The following RELL1 variants were observed in gnomAD, a reference collection of about 807,000 sequenced individuals.
The protein encoded by RELL1 is RELT like 1.
In RELL1, 10 loss-of-function variants were observed where a neutral mutation model predicts 23.0. That is an observed-to-expected ratio of 0.43 (90% CI 0.27 to 0.74). The LOEUF is 0.74. Among genes scored for constraint, RELL1 ranks in the 30% least tolerant of loss-of-function variants. The probability of loss-of-function intolerance (pLI) is 0.19; values close to 1 mark genes in which losing one functional copy is unlikely to be tolerated. For missense variants in RELL1, 315 were observed against 364.4 expected, an observed-to-expected ratio of 0.86 and a Z score of 1.10; for synonymous variants, 146 against 146.8, an observed-to-expected ratio of 0.99 and a Z score of 0.04.
intron 1 of RELL1, among the ~76,000 whole-genome samples, chr4:37,667,714 GTTCT>G (rs2109304220): frequency 6.7e-6 from 1 of 150,344 alleles, no homozygotes; most frequent in African/African-American, 2.5e-5. Flanking sequence ...TAAAAGTTAC[GTTCT>G]TTCCAAGTCA....
chr4:37,605,848 A>AAAGAAAGAAAG (rs1435263321), downstream of RELL1, among the ~76,000 whole-genome samples: 201 of 107,236 alleles, frequency 1.9e-3, 5 homozygotes, highest in Non-Finnish European at 2.8e-3. Context: ...AGAAAGAAGG[A>AAAGAAAGAAAG]AAAGAAAAGA....
At chr4:37,669,092 T>G (rs865942494) in intron 1 of RELL1, among the ~76,000 whole-genome samples, 1 of 89,654 alleles carries the variant, frequency 1.1e-5, no homozygotes. Context: ...CCGCCCCGTC[T>G]GGGAGGTGAG....
At chr4:37,681,171 G>T (rs1247470811) in intron 1 of RELL1, among the ~76,000 whole-genome samples, 3 of 152,124 alleles carry the variant, frequency 2.0e-5, no homozygotes, top group Non-Finnish European at 4.4e-5. Flanking sequence ...CTAATCTGAG[G>T]TGTCACTCTG....
intron 6 of RELL1, among the ~76,000 whole-genome samples, chr4:37,621,825 G>A (rs539797325): frequency 2.0e-5 from 3 of 152,296 alleles, no homozygotes; most frequent in Non-Finnish European, 4.4e-5. Flanking sequence ...GCAACTCAAA[G>A]CAAAACAAAT....
chr4:37,615,069 G>A (rs1719532012), intron 6 of RELL1, among the ~76,000 whole-genome samples: 1 of 152,128 alleles, frequency 6.6e-6, no homozygotes, highest in Non-Finnish European at 1.5e-5. Context: ...AGGGTTACTG[G>A]GGATTTGACA....
chr4:37,627,702 TA>T (rs1482852487), intron 6 of RELL1, among the ~76,000 whole-genome samples: 2 of 152,016 alleles, frequency 1.3e-5, no homozygotes, highest in Non-Finnish European at 2.9e-5. Flanking sequence ...ACAAAAGAAA[TA>T]AAAAAAGAAA....
intron 1 of RELL1, among the ~76,000 whole-genome samples, chr4:37,660,122 GTATCTGAGAAGGGTC>G (rs1273123625): frequency 6.6e-6 from 1 of 151,904 alleles, no homozygotes; most frequent in Non-Finnish European, 1.5e-5. Context: ...TCAAATCACA[GTATCTGAGAAGGGTC>G]TATTTTTTGG....
At chr4:37,627,621 G>A (rs1044075252) in intron 6 of RELL1, among the ~76,000 whole-genome samples, 1 of 152,052 alleles carries the variant, frequency 6.6e-6, no homozygotes, top group African/African-American at 2.4e-5. Context: ...GGGAGAGAGA[G>A]AAATCCTGCC....
At position 37,612,812 on chromosome 4, in the gene RELL1, A is replaced by T. The variant is rs1719451268; in HGVS notation, c.*534T>A. The T allele has an allele frequency of 6.6e-6, 1 of 152,074 alleles. No homozygotes were observed. The highest frequency in any genetic ancestry group is 6.6e-5 in the Admixed American group (1 of 15,242). The allele number at this position is 152,074 out of a possible 1,614,324, so 9.4% of individuals were successfully genotyped here. ...CCTCAGGGCTAACTAGATTATTTCC[A>T]CTGAGCTTTTACCACTGAAGATTCA... On this transcript the variant is annotated 3_prime_UTR_variant, in exon 7 of 7. Coordinates refer to ENST00000454158, the MANE Select transcript of RELL1 (RefSeq NM_001085400.2).
At chr4:37,591,092 C>A in exon 7 of RELL1, 2 of 1,071,262 alleles carry the variant, frequency 1.9e-6, no homozygotes, top group Non-Finnish European at 2.7e-6. Flanking sequence ...ATTCTGCCAG[C>A]ATGCACCAGT....
At chr4:37,606,687 T>C (rs1160640479), downstream of RELL1, among the ~76,000 whole-genome samples, 1 of 152,212 alleles carries the variant, frequency 6.6e-6, no homozygotes, top group Non-Finnish European at 1.5e-5. This position sits in a 1 kb window ranked among gnomAD's most constrained non-coding sequence, Gnocchi z 4.1. Flanking sequence ...GCAGACACCT[T>C]GACTTCAGGG....
chr4:37,591,707 A>G (rs1361908719), intron 6 of RELL1: 1 of 152,230 alleles, frequency 6.6e-6, no homozygotes, highest in Non-Finnish European at 1.5e-5. Context: ...GGCCAAAATA[A>G]GTCTTAAAAC....
At chr4:37,638,621 C>T in intron 3 of RELL1, 117 bp from the exon 4 acceptor site, 1 of 767,556 alleles carries the variant, frequency 1.3e-6, no homozygotes. Flanking sequence ...AGATGAAGTC[C>T]TGGGGGCCTA....
At chr4:37,679,698 T>C (rs986418584) in intron 1 of RELL1, among the ~76,000 whole-genome samples, 9 of 152,174 alleles carry the variant, frequency 5.9e-5, no homozygotes, top group Non-Finnish European at 8.8e-5. Context: ...TGCATCCCTA[T>C]AATCCCAGCA....
At chr4:37,631,281 T>A (rs1206685952) in intron 6 of RELL1, 104 bp downstream of exon 6, 6 of 1,288,496 alleles carry the variant, frequency 4.7e-6, no homozygotes, top group Non-Finnish European at 6.4e-6. Flanking sequence ...CCCACTTCCC[T>A]GTCAAATACC....
chr4:37,679,173 G>A (rs1425404222), intron 1 of RELL1, among the ~76,000 whole-genome samples: 1 of 151,500 alleles, frequency 6.6e-6, no homozygotes, highest in African/African-American at 2.4e-5. Context: ...CTCTTACAAA[G>A]AGAACTGTGT....
chr4:37,669,420 C>T (rs1264956745), intron 1 of RELL1, among the ~76,000 whole-genome samples: 1 of 149,106 alleles, frequency 6.7e-6, no homozygotes, highest in Non-Finnish European at 1.5e-5. Flanking sequence ...GGGGGGTCAG[C>T]CCCCCACCCG....
At chr4:37,630,586 C>T (rs1720097228) in intron 6 of RELL1, among the ~76,000 whole-genome samples, 1 of 151,698 alleles carries the variant, frequency 6.6e-6, no homozygotes, top group African/African-American at 2.4e-5. Flanking sequence ...AGGATTGTCT[C>T]GATCTCCTGA....
At chr4:37,654,769 A>C (rs1721066226) in intron 1 of RELL1, among the ~76,000 whole-genome samples, 1 of 152,212 alleles carries the variant, frequency 6.6e-6, no homozygotes, top group Non-Finnish European at 1.5e-5. Context: ...AGATCTATGA[A>C]ATTTTTTGTG....
Sources: gnomAD v4.1 joint callset for allele counts (sites outside exome capture counted in the v4.1 genomes callset) on GRCh38, gnomAD v4.1.1 for gene constraint, Gnocchi (gnomAD v3.1) non-coding constraint, MANE v1.5 for transcripts, NCBI Gene and HGNC (gene_info 2026-07-23, HGNC 2026-07-21) for gene names.